Variants in TRHDE observed in about 807,000 individuals in gnomAD.
TRHDE encodes thyrotropin-releasing hormone-degrading ectoenzyme.
In TRHDE, 72 loss-of-function variants were observed where a neutral mutation model predicts 125.7. The ratio of observed to expected loss-of-function variants is 0.57; its 90% confidence interval spans 0.47 to 0.70. The LOEUF (loss-of-function observed/expected upper bound fraction) is 0.70, where lower values mean the gene tolerates loss of function less well. Among genes scored for constraint, TRHDE ranks in the 30% least tolerant of loss-of-function variants. The pLI is 0.00. For synonymous variants in TRHDE, 509 were observed against 509.1 expected (o/e 1.00, Z 0.00); for missense variants, 1,110 against 1,327.1 (o/e 0.84, Z 2.54).
intron 2 of TRHDE, among the ~76,000 whole-genome samples, chr12:72,109,744 T>A (rs1875274695): frequency 6.6e-6 from 1 of 152,106 alleles, no homozygotes; most frequent in African/African-American, 2.4e-5. Flanking sequence ...GGAAACTGCG[T>A]TATATGTCTA....
intron 5 of TRHDE, among the ~76,000 whole-genome samples, chr12:72,487,474 C>A (rs779617150): frequency 6.6e-6 from 1 of 151,998 alleles, no homozygotes; most frequent in Non-Finnish European, 1.5e-5. Flanking sequence ...CAGGAAAGAA[C>A]GGGATGATAT....
At chr12:72,344,590 G>A (rs894145667) in intron 2 of TRHDE, among the ~76,000 whole-genome samples, 2 of 152,080 alleles carry the variant, frequency 1.3e-5, no homozygotes, top group Admixed American at 6.6e-5. Flanking sequence ...TGATGCAAGT[G>A]GGCTACATGA....
chr12:72,583,906 C>T (rs1871336737), intron 12 of TRHDE, among the ~76,000 whole-genome samples: 1 of 146,962 alleles, frequency 6.8e-6, no homozygotes, highest in Non-Finnish European at 1.5e-5. Context: ...AGGCTTGTGG[C>T]TCTAAAGGAT....
chr12:72,277,088 A>G (rs963963857), intron 1 of TRHDE, among the ~76,000 whole-genome samples: 6 of 152,174 alleles, frequency 3.9e-5, no homozygotes, highest in African/African-American at 1.4e-4. Context: ...TTTTTCTTTG[A>G]CAAACTTTAA....
rs1491013614 is a variant in TRHDE, at chr12:72,430,316, TAC to T, written c.1316-39440_1316-39439del. On this transcript the variant is annotated intron_variant, in intron 3 of 18. Coordinates refer to ENST00000261180, the MANE Select transcript of TRHDE (RefSeq NM_013381.3). ...GTATATATGTATATATATGTATATA[TAC>T]ATGTATACATATATACATGTATATA... Among the ~76,000 whole-genome samples, 866 of 143,440 alleles carry T rather than the reference TAC, an allele frequency of 6.0e-3. 10 individuals are homozygous for T. Among genetic ancestry groups the T allele is most frequent in the African/African-American group, 0.021 (830 of 39,156 alleles). The allele number at this position is 143,440 out of a possible 152,430, so 94.1% of individuals were successfully genotyped here.
intron 6 of TRHDE, among the ~76,000 whole-genome samples, chr12:72,515,304 T>G (rs1878794548): frequency 7.2e-6 from 1 of 139,104 alleles, no homozygotes; most frequent in Non-Finnish European, 1.5e-5. Context: ...CACCTGTTGT[T>G]TCCTGACTTT....
intron 2 of TRHDE, among the ~76,000 whole-genome samples, chr12:72,131,294 C>A (rs917330537): frequency 1.3e-5 from 2 of 151,612 alleles, no homozygotes; most frequent in African/African-American, 4.8e-5. Context: ...GGATGGTCTC[C>A]ATCTCCTGAC....
chr12:72,502,581 T>C (rs1382898161), intron 6 of TRHDE, among the ~76,000 whole-genome samples: 1 of 152,124 alleles, frequency 6.6e-6, no homozygotes, highest in Non-Finnish European at 1.5e-5. Context: ...TAAGTTGATA[T>C]GTGTTGGTAA....
chr12:72,110,970 C>T (rs1373003303), intron 2 of TRHDE, among the ~76,000 whole-genome samples: 1 of 152,050 alleles, frequency 6.6e-6, no homozygotes. Flanking sequence ...TTTCCTGTCA[C>T]TCTCAGGCAA....
chr12:72,461,820 C>T (rs184390896), intron 3 of TRHDE, among the ~76,000 whole-genome samples: 88 of 152,218 alleles, frequency 5.8e-4, no homozygotes, highest in Middle Eastern at 3.4e-3. Context: ...TAAGACTCCT[C>T]CTCCTCTCTT....
At chr12:72,635,061 C>T (rs1429259155) in intron 15 of TRHDE, among the ~76,000 whole-genome samples, 11 of 151,332 alleles carry the variant, frequency 7.3e-5, no homozygotes, top group Middle Eastern at 3.5e-3. Context: ...GTTCTAGATC[C>T]CTGAGGAATC....
rs536987359 is a variant in TRHDE at position 72,606,839 on chromosome 12, C to T, written c.2322-12052C>T. On this transcript the variant is annotated intron_variant, in intron 12 of 18. Transcript: ENST00000261180. ...CCATGTCCCCATCCAACCTTTTATA[C>T]TATTTTGAAGCAAATTCCACACTTC... 3.3e-5 allele frequency among the ~76,000 whole-genome samples: 5 copies of T among 152,204 alleles called. No homozygotes were observed. The South Asian group carries it at 1.0e-3, about 32-fold the overall frequency.
intron 12 of TRHDE, chr12:72,582,340 T>C: frequency 5.1e-6 from 5 of 985,334 alleles, no homozygotes; most frequent in Non-Finnish European, 2.4e-6. Context: ...TACAGATTTT[T>C]TTTTTCATTT....
chr12:72,234,487 G>A (rs1223308218), intron 2 of TRHDE, among the ~76,000 whole-genome samples: 2 of 152,228 alleles, frequency 1.3e-5, no homozygotes, highest in East Asian at 3.9e-4. Flanking sequence ...CCATTGAAAT[G>A]AATGTGATCT....
At chr12:72,440,751 T>C (rs187163857) in intron 3 of TRHDE, among the ~76,000 whole-genome samples, 5 of 151,744 alleles carry the variant, frequency 3.3e-5, no homozygotes, top group African/African-American at 1.2e-4. Context: ...GTATTCTTAG[T>C]GGGAGGTGTG....
At chr12:72,239,667 G>C (rs138125391) in intron 2 of TRHDE, among the ~76,000 whole-genome samples, 6 of 152,164 alleles carry the variant, frequency 3.9e-5, no homozygotes, top group Non-Finnish European at 7.4e-5. Context: ...TATTTCCTAT[G>C]ATGTTAGAGA....
chr12:72,220,629 TCTCA>T (rs1373291110), intron 2 of TRHDE, among the ~76,000 whole-genome samples: 1 of 152,250 alleles, frequency 6.6e-6, no homozygotes, highest in South Asian at 2.1e-4. Flanking sequence ...TACTTCAAAC[TCTCA>T]CTCAAAGGTT....
chr12:72,269,026 C>T (rs1017955752), upstream of TRHDE, among the ~76,000 whole-genome samples: 1 of 152,076 alleles, frequency 6.6e-6, no homozygotes, highest in Non-Finnish European at 1.5e-5. Flanking sequence ...TATCTTGAAT[C>T]CAGTGACCTA....
intron 2 of TRHDE, chr12:72,264,185 T>G (rs1001746473): frequency 1.3e-5 from 2 of 152,064 alleles, no homozygotes; most frequent in African/African-American, 4.8e-5. Context: ...ACATTTCTTG[T>G]GTGTCTCAAT....
Sources: gnomAD v4.1 joint callset for allele counts (sites outside exome capture counted in the v4.1 genomes callset) on GRCh38, gnomAD v4.1.1 for gene constraint, MANE v1.5 for transcripts, NCBI Gene and HGNC (gene_info 2026-07-23, HGNC 2026-07-21) for gene names.